Variants in PIWIL1 observed in about 807,000 individuals in gnomAD.
PIWIL1 encodes piwi like RNA-mediated gene silencing 1, also known as piwi-like protein 1.
In PIWIL1, 73 loss-of-function variants were observed where a neutral mutation model predicts 114.4. The observed-to-expected ratio is 0.64, with a 90% CI of 0.53 to 0.78. PIWIL1 has a LOEUF of 0.78. PIWIL1 is among the 30% of genes least tolerant of loss of function. PIWIL1 has a pLI of 0.00. For missense variants in PIWIL1, 723 were observed against 1,063.1 expected, an observed-to-expected ratio of 0.68 and a Z score of 4.45; for synonymous variants, 375 against 369.0, an observed-to-expected ratio of 1.02 and a Z score of -0.19.
downstream of PIWIL1, among the ~76,000 whole-genome samples, chr12:130,373,794 A>G (rs1486623759): frequency 6.6e-6 from 1 of 152,166 alleles, no homozygotes; most frequent in South Asian, 2.1e-4. Context: ...AACCTGTTGC[A>G]TGCGGCGACA....
At chr12:130,409,546 G>A in the PIWIL1 span, among the ~76,000 whole-genome samples, 5 of 151,806 alleles carry the variant, frequency 3.3e-5, no homozygotes, top group Admixed American at 2.0e-4. Context: ...GGGTTTCACC[G>A]TGTTAGCCAG....
chr12:130,389,901 G>A, the PIWIL1 span, among the ~76,000 whole-genome samples: 1 of 151,884 alleles, frequency 6.6e-6, no homozygotes, highest in Admixed American at 6.6e-5. Context: ...TTGTAATCCA[G>A]CTCTCTCTCT....
the PIWIL1 span, chr12:130,383,479 G>A: frequency 2.6e-5 from 4 of 152,254 alleles, no homozygotes; most frequent in African/African-American, 9.6e-5. Flanking sequence ...GGAAAGCCAA[G>A]GTAAAATGTC....
At chr12:130,347,119 C>T (rs2073090934) in intron 6 of PIWIL1, 57 bp downstream of exon 6, 1 of 1,235,660 alleles carries the variant, frequency 8.1e-7, no homozygotes, top group South Asian at 1.3e-5. Flanking sequence ...AATAATTGTA[C>T]ATTGAACATC....
chr12:130,422,799 G>C, the PIWIL1 span, among the ~76,000 whole-genome samples: 29,500 of 152,020 alleles, frequency 0.19, 3,612 homozygotes, highest in Middle Eastern at 0.35. This position sits in a 1 kb window ranked among gnomAD's most constrained non-coding sequence, Gnocchi z 5.2. Flanking sequence ...AATTCCTTGT[G>C]GGGGGGTCTC....
chr12:130,414,455 C>T, the PIWIL1 span: 17 of 710,624 alleles, frequency 2.4e-5, no homozygotes, highest in Admixed American at 1.5e-4. Context: ...GGAAATAGAT[C>T]GGGAGGTCTA....
chr12:130,423,485 G>C, the PIWIL1 span, among the ~76,000 whole-genome samples: 1 of 152,072 alleles, frequency 6.6e-6, no homozygotes, highest in African/African-American at 2.4e-5. Context: ...TCCGAAAAGA[G>C]GACACAATAT....
chr12:130,393,823 C>T, the PIWIL1 span, among the ~76,000 whole-genome samples: 7 of 152,176 alleles, frequency 4.6e-5, no homozygotes, highest in African/African-American at 1.2e-4. Flanking sequence ...TGGCCAAGTG[C>T]GTAAGACACA....
At chr12:130,380,753 C>A in the PIWIL1 span, among the ~76,000 whole-genome samples, 8 of 152,152 alleles carry the variant, frequency 5.3e-5, no homozygotes, top group African/African-American at 1.9e-4. Flanking sequence ...CCTTAAGTAA[C>A]ACAGAATCAT....
At chr12:130,360,080 C>A (rs1162181610) in intron 14 of PIWIL1, among the ~76,000 whole-genome samples, 1 of 152,124 alleles carries the variant, frequency 6.6e-6, no homozygotes, top group East Asian at 1.9e-4. Context: ...TTCATACAGC[C>A]ACATTGCAAT....
chr12:130,392,316 T>C, the PIWIL1 span, among the ~76,000 whole-genome samples: 13,039 of 19,576 alleles, frequency 0.67, 4,446 homozygotes, highest in Non-Finnish European at 0.78. Flanking sequence ...ACCGTCATCA[T>C]GTGTCCGTCA....
the PIWIL1 span, chr12:130,424,786 T>C: frequency 1.4e-5 from 17 of 1,232,768 alleles, no homozygotes; most frequent in Non-Finnish European, 1.6e-5. This position sits in a 1 kb window ranked among gnomAD's most constrained non-coding sequence, Gnocchi z 9.8. Flanking sequence ...AAAAGTCTCT[T>C]CCTGTGGGGC....
chr12:130,408,106 T>G, the PIWIL1 span, among the ~76,000 whole-genome samples: 1 of 152,176 alleles, frequency 6.6e-6, no homozygotes, highest in African/African-American at 2.4e-5. Context: ...CCAGTGAGAC[T>G]CACATGAAGC....
chr12:130,348,263 A>G, intron 7 of PIWIL1, 80 bp downstream of exon 7: 1 of 770,506 alleles, frequency 1.3e-6, no homozygotes, highest in Admixed American at 2.4e-5. Context: ...TGAAATGGTC[A>G]AATTTACTAC....
At position 130,338,112 on chromosome 12, in the gene PIWIL1, AAGGACC is replaced by A. The variant is rs2072760111; in HGVS notation, c.-41_-36del. On this transcript the variant is annotated 5_prime_UTR_variant, in exon 1 of 21. Transcript: ENST00000245255. ...GGCTGTTGGCCTCGGGCTGAGGTGC[AAGGACC>A]AGGACTAGGGCGAGGGCAGCGGTCC... 3 of 238,430 alleles carry A rather than the reference AAGGACC, an allele frequency of 1.3e-5. No homozygotes were observed. The highest frequency in any genetic ancestry group is 4.2e-5 in the South Asian group (1 of 23,702). 14.8% of individuals were successfully genotyped at this position (238,430 alleles called of 1,614,324 possible). A position where few individuals can be genotyped will look rare whatever the true frequency, so the allele number is the denominator to read the frequency against.
At position 130,354,566 on chromosome 12, in the gene PIWIL1, G is replaced by A; in HGVS notation, c.1074G>A (p.Lys358=). ...KQYNQEITDL[K]QPVLVSQPKR... is the part of the protein sequence containing the mutation. ...ACAACCAAGAGATCACCGACTTGAA[G>A]CAGCCTGTCTTGGTCAGCCAGCCCA... The change falls in exon 10 of 21, where the codon AAG becomes AAA. Residue 358 remains lysine (K), a synonymous_variant. Transcript: ENST00000245255. 1 of 1,614,170 alleles carries A rather than the reference G, an allele frequency of 6.2e-7. No homozygotes were observed.
At chr12:130,385,471 T>C in the PIWIL1 span, among the ~76,000 whole-genome samples, 1 of 152,204 alleles carries the variant, frequency 6.6e-6, no homozygotes, top group Non-Finnish European at 1.5e-5. Flanking sequence ...CCTACTTAAC[T>C]GTGAAACAAA....
At chr12:130,342,069 T>C (rs2072930553) in intron 1 of PIWIL1, among the ~76,000 whole-genome samples, 1 of 152,162 alleles carries the variant, frequency 6.6e-6, no homozygotes, top group Non-Finnish European at 1.5e-5. Flanking sequence ...CACATGGAAC[T>C]CTGGGAAGAT....
At chr12:130,400,929 T>C in the PIWIL1 span, among the ~76,000 whole-genome samples, 1 of 152,080 alleles carries the variant, frequency 6.6e-6, no homozygotes, top group African/African-American at 2.4e-5. Context: ...AAACAGGTAC[T>C]GGTGAAGATA....
Sources: gnomAD v4.1 joint callset for allele counts (sites outside exome capture counted in the v4.1 genomes callset) on GRCh38, gnomAD v4.1.1 for gene constraint, Gnocchi (gnomAD v3.1) non-coding constraint, MANE v1.5 for transcripts, NCBI Gene and HGNC (gene_info 2026-07-23, HGNC 2026-07-21) for gene names.